EYS: variants seen among roughly 807,000 people sequenced by gnomAD.
EYS encodes EGF-like photoreceptor maintenance factor.
In EYS, 250 loss-of-function variants were observed where a neutral mutation model predicts 282.1. That is an observed-to-expected ratio of 0.89 (90% CI 0.80 to 0.98). EYS has a LOEUF of 0.98. Ranked by LOEUF, EYS falls within the 50% of genes least tolerant of loss-of-function variation. The probability of loss-of-function intolerance (pLI) is 0.00; values close to 1 mark genes in which losing one functional copy is unlikely to be tolerated. For synonymous variants in EYS, 1,355 were observed against 1,282.9 expected, an observed-to-expected ratio of 1.06 and a Z score of -1.20; for missense variants, 4,016 against 3,709.0, an observed-to-expected ratio of 1.08 and a Z score of -2.15.
intron 30 of EYS, among the ~76,000 whole-genome samples, chr6:64,294,121 T>C (rs1412813532): frequency 1.3e-5 from 2 of 151,892 alleles, no homozygotes; most frequent in Non-Finnish European, 2.9e-5. Flanking sequence ...CAGATATAAT[T>C]AGTATCAACT....
intron 26 of EYS, among the ~76,000 whole-genome samples, chr6:64,448,197 C>G (rs1775184751): frequency 1.3e-5 from 2 of 152,222 alleles, no homozygotes; most frequent in South Asian, 4.1e-4. Context: ...AAACGGCACA[C>G]CAGGAGATTA....
chr6:64,107,271 GTATATATATATA>G lies in EYS; in HGVS notation c.6425-25281_6425-25270del, dbSNP rs1262221890. 1.5e-3 allele frequency among the ~76,000 whole-genome samples: 152 copies of G among 99,964 alleles called. 1 individual carries two copies. Among genetic ancestry groups the G allele is most frequent in the African/African-American group, 5.6e-3 (146 of 26,258 alleles). 65.6% of individuals were successfully genotyped at this position (99,964 alleles called of 152,430 possible). A position where few individuals can be genotyped will look rare whatever the true frequency, so the allele number is the denominator to read the frequency against. On this transcript the variant is annotated intron_variant, in intron 31 of 42. Coordinates refer to ENST00000503581, the MANE Select transcript of EYS (RefSeq NM_001142800.2). The stretch of plus-strand genomic sequence containing the variant: ...TATATATATATATATGTGTGTGTGT[GTATATATATATA>G]TTTATATATATATATATATATATAT...
At chr6:64,955,636 G>C (rs2150102440) in intron 14 of EYS, among the ~76,000 whole-genome samples, 1 of 152,258 alleles carries the variant, frequency 6.6e-6, no homozygotes, top group South Asian at 2.1e-4. Context: ...AATATCATCG[G>C]CATTGCAGTT....
intron 5 of EYS, among the ~76,000 whole-genome samples, chr6:65,478,954 T>G (rs540535387): frequency 2.0e-5 from 3 of 152,036 alleles, no homozygotes; most frequent in Non-Finnish European, 2.9e-5. Context: ...CAGGCAAAAA[T>G]AGAATGCATG....
chr6:65,518,788 C>A lies in EYS; in HGVS notation c.-332-22795G>T, dbSNP rs183040304. ...GGCTGGGGAGGCCTCACAATCATGGCAGAAGGCAAAGGTGTAGCAAAATCA... is the reference window on the plus strand; with the variant it reads ...GGCTGGGGAGGCCTCACAATCATGGAAGAAGGCAAAGGTGTAGCAAAATCA... On this transcript the variant is annotated intron_variant, in intron 2 of 42. Transcript: ENST00000503581. Among the ~76,000 whole-genome samples the A allele has an allele frequency of 2.3e-3, 346 of 152,160 alleles. 2 individuals are homozygous for A. Among genetic ancestry groups the A allele is most frequent in the African/African-American group, 8.2e-3 (340 of 41,506 alleles).
chr6:64,329,957 G>T (rs1299281086), intron 29 of EYS, among the ~76,000 whole-genome samples: 1 of 152,152 alleles, frequency 6.6e-6, no homozygotes, highest in Non-Finnish European at 1.5e-5. Context: ...TTGCCTTTGA[G>T]TGGGGCTTAT....
chr6:64,636,770 G>T (rs974797740), intron 22 of EYS, among the ~76,000 whole-genome samples: 10 of 150,564 alleles, frequency 6.6e-5, no homozygotes, highest in African/African-American at 2.2e-4. Context: ...CCATCAAAAA[G>T]TGGGCAAAGG....
intron 9 of EYS, among the ~76,000 whole-genome samples, chr6:65,345,240 T>C (rs1770349976): frequency 6.6e-6 from 1 of 151,754 alleles, no homozygotes; most frequent in Non-Finnish European, 1.5e-5. Flanking sequence ...TACAGAAAAT[T>C]ATGGCTATGT....
At chr6:63,857,939 A>G (rs146680492) in intron 36 of EYS, among the ~76,000 whole-genome samples, 2 of 152,220 alleles carry the variant, frequency 1.3e-5, no homozygotes, top group South Asian at 4.1e-4. Context: ...GCAGAACACC[A>G]TTGGCTAGAT....
intron 36 of EYS, among the ~76,000 whole-genome samples, chr6:63,832,514 A>G (rs1225410123): frequency 4.6e-5 from 7 of 152,232 alleles, no homozygotes; most frequent in Admixed American, 3.9e-4. Flanking sequence ...ACACTAAACC[A>G]GGAAGACGTT....
At chr6:64,303,021 C>A (rs542499041) in intron 30 of EYS, among the ~76,000 whole-genome samples, 14 of 152,206 alleles carry the variant, frequency 9.2e-5, no homozygotes, top group Admixed American at 8.5e-4. Context: ...GACCCGCATC[C>A]CCATGCTGAA....
At chr6:64,191,923 G>A (rs1200014782) in intron 31 of EYS, among the ~76,000 whole-genome samples, 102 of 148,982 alleles carry the variant, frequency 6.8e-4, no homozygotes, top group African/African-American at 2.5e-3. Context: ...CACAATGGTT[G>A]AACTAGTTTA....
intron 26 of EYS, among the ~76,000 whole-genome samples, chr6:64,447,639 T>C (rs1284109322): frequency 6.6e-6 from 1 of 152,102 alleles, no homozygotes. Context: ...CCAAAAAAAG[T>C]TTACAAAACA....
intron 28 of EYS, among the ~76,000 whole-genome samples, chr6:64,407,049 A>G (rs562965739): frequency 6.6e-6 from 1 of 152,308 alleles, no homozygotes; most frequent in African/African-American, 2.4e-5. Flanking sequence ...GAACCAACCC[A>G]AATGCCCATC....
At chr6:63,893,227 TATATACCCAAAGGA>T (rs1235647486) in intron 35 of EYS, among the ~76,000 whole-genome samples, 2 of 152,162 alleles carry the variant, frequency 1.3e-5, no homozygotes, top group African/African-American at 2.4e-5. Flanking sequence ...TAATACTGGG[TATATACCCAAAGGA>T]TTGTAAATCA....
chr6:65,682,911 C>T (rs948348557), intron 1 of EYS, among the ~76,000 whole-genome samples: 7 of 151,802 alleles, frequency 4.6e-5, no homozygotes, highest in South Asian at 2.1e-4. Context: ...AATATAAACG[C>T]GGTCATGGCA....
chr6:64,686,845 A>ATATATGTGTGTG (rs1770147880), intron 22 of EYS, among the ~76,000 whole-genome samples: 1 of 62,356 alleles, frequency 1.6e-5, no homozygotes, highest in African/African-American at 6.6e-5. Flanking sequence ...ATACGTGTAT[A>ATATATGTGTGTG]TATATATATG....
intron 19 of EYS, among the ~76,000 whole-genome samples, chr6:64,875,803 A>G (rs866492594): frequency 1.3e-5 from 2 of 152,056 alleles, no homozygotes; most frequent in African/African-American, 4.8e-5. Context: ...TATATAATTT[A>G]TCTGAGGCCA....
chr6:65,200,054 G>A (rs1287820224), intron 12 of EYS, among the ~76,000 whole-genome samples: 1 of 152,118 alleles, frequency 6.6e-6, no homozygotes, highest in Non-Finnish European at 1.5e-5. Context: ...TGAATGAAAT[G>A]GCTCAAGACG....
Sources: gnomAD v4.1 joint callset for allele counts (sites outside exome capture counted in the v4.1 genomes callset) on GRCh38, gnomAD v4.1.1 for gene constraint, MANE v1.5 for transcripts, NCBI Gene and HGNC (gene_info 2026-07-23, HGNC 2026-07-21) for gene names.